The following LUZP2 variants were observed in gnomAD, a reference collection of about 807,000 sequenced individuals.
LUZP2 encodes the protein leucine zipper protein 2.
LUZP2 carries 52 observed loss-of-function variants against 51.6 expected under a neutral mutation model. The observed-to-expected ratio is 1.01, with a 90% CI of 0.81 to 1.27. LUZP2 has a LOEUF of 1.27. Ranked by LOEUF, LUZP2 falls within the 50% of genes most tolerant of loss-of-function variation. The pLI is 0.00. For missense variants in LUZP2, 436 were observed against 395.4 expected, an observed-to-expected ratio of 1.10 and a Z score of -0.87; for synonymous variants, 154 against 137.3, an observed-to-expected ratio of 1.12 and a Z score of -0.85.
chr11:25,032,688 G>T (rs10767302), intron 9 of LUZP2, among the ~76,000 whole-genome samples: 88,179 of 151,990 alleles, frequency 0.58, 26,703 homozygotes, highest in African/African-American at 0.76. Flanking sequence ...CATGATTATA[G>T]TCAGGAAAGA....
chr11:24,503,026 C>T (rs11027956), intron 1 of LUZP2, among the ~76,000 whole-genome samples: 43,398 of 151,934 alleles, frequency 0.29, 6,396 homozygotes, highest in East Asian at 0.46. Flanking sequence ...ATAGTATTGA[C>T]ATTTTTTTTT....
chr11:24,937,095 A>AGGGG (rs1468381243), intron 7 of LUZP2, among the ~76,000 whole-genome samples: 2 of 152,150 alleles, frequency 1.3e-5, no homozygotes, highest in Non-Finnish European at 2.9e-5. Flanking sequence ...AGAAGCACTT[A>AGGGG]TCTTGGGGTC....
intron 1 of LUZP2, among the ~76,000 whole-genome samples, chr11:24,581,051 C>T (rs1852834892): frequency 6.6e-6 from 1 of 152,034 alleles, no homozygotes; most frequent in Non-Finnish European, 1.5e-5. Context: ...AGCTCTGAGG[C>T]AGTTTTAGTC....
In LUZP2 at chr11:24,712,782, G is replaced by A. The variant is rs112300369; in HGVS notation, c.63-16387G>A. Among the ~76,000 whole-genome samples the A allele has an allele frequency of 4.5e-3, 684 of 152,258 alleles. 5 individuals are homozygous for A. The highest frequency in any genetic ancestry group is 0.016 in the African/African-American group (656 of 41,550). On this transcript the variant is annotated intron_variant, in intron 1 of 11. Transcript: ENST00000336930. The stretch of plus-strand genomic sequence containing the variant: ...AAGACAGTCTTTGTCAATGTATTCA[G>A]CATAATTTATTCAGACCTCTTATTT...
chr11:24,950,015 T>C (rs2133862017), intron 7 of LUZP2, among the ~76,000 whole-genome samples: 1 of 150,190 alleles, frequency 6.7e-6, no homozygotes, highest in Admixed American at 6.7e-5. Context: ...TTTGGCTAAA[T>C]TACTAGGAGG....
chr11:24,795,546 A>G (rs1849522975), intron 5 of LUZP2, among the ~76,000 whole-genome samples: 2 of 152,148 alleles, frequency 1.3e-5, no homozygotes, highest in African/African-American at 4.8e-5. Context: ...GGCTCATTTC[A>G]TGATTAAGAA....
chr11:24,892,332 G>T, intron 5 of LUZP2: 1 of 985,392 alleles, frequency 1.0e-6, no homozygotes, highest in Non-Finnish European at 1.2e-6. Flanking sequence ...GGCCTCGAAA[G>T]ACATTCAAAT....
intron 5 of LUZP2, among the ~76,000 whole-genome samples, chr11:24,821,897 G>C (rs1316953465): frequency 1.3e-5 from 2 of 149,618 alleles, no homozygotes; most frequent in African/African-American, 2.4e-5. Flanking sequence ...ATATTTAAAA[G>C]CTTCTGATTT....
At chr11:24,752,302 T>G (rs1859621850) in intron 4 of LUZP2, among the ~76,000 whole-genome samples, 1 of 152,310 alleles carries the variant, frequency 6.6e-6, no homozygotes, top group Admixed American at 6.5e-5. Flanking sequence ...AGATTGTTAA[T>G]GAATTTAAGA....
rs770694512 is a variant in LUZP2, at chr11:25,077,326, T to C, written c.859-3T>C. The C allele has an allele frequency of 5.0e-6, 8 of 1,609,802 alleles. No homozygotes were observed. The highest frequency in any genetic ancestry group is 6.8e-6 in the Non-Finnish European group (8 of 1,176,678). ...GATGTATTTTTAATTGCTACTTTTG[T>C]AGGAGGGCAGACCGTGTTCCATGAA... On this transcript the variant is annotated splice_region_variant and splice_polypyrimidine_tract_variant and intron_variant, in intron 10 of 11. Coordinates refer to ENST00000336930, the MANE Select transcript of LUZP2 (RefSeq NM_001009909.4).
intron 10 of LUZP2, among the ~76,000 whole-genome samples, chr11:25,063,566 C>A (rs1196561110): frequency 6.6e-6 from 1 of 151,760 alleles, no homozygotes; most frequent in African/African-American, 2.4e-5. Context: ...AATAGTTTAT[C>A]ATTTTAATTC....
At chr11:24,997,719 C>A (rs1318420993) in intron 9 of LUZP2, among the ~76,000 whole-genome samples, 4 of 152,086 alleles carry the variant, frequency 2.6e-5, no homozygotes, top group East Asian at 3.9e-4. Flanking sequence ...AATGGTAATG[C>A]CTAGGTTTTC....
intron 5 of LUZP2, among the ~76,000 whole-genome samples, chr11:24,841,561 C>T (rs1851034538): frequency 6.6e-6 from 1 of 152,052 alleles, no homozygotes. Context: ...TAAAATTTTT[C>T]TGTCTCAATA....
At chr11:25,014,282 G>GA in intron 9 of LUZP2, among the ~76,000 whole-genome samples, 1 of 152,202 alleles carries the variant, frequency 6.6e-6, no homozygotes, top group Non-Finnish European at 1.5e-5. Flanking sequence ...GGATGGCTGA[G>GA]TCAAATGCTA....
chr11:25,029,888 T>C (rs1857596852), intron 9 of LUZP2, among the ~76,000 whole-genome samples: 1 of 151,982 alleles, frequency 6.6e-6, no homozygotes, highest in Non-Finnish European at 1.5e-5. Context: ...TATAGAAGTA[T>C]AAACAATTGC....
intron 1 of LUZP2, among the ~76,000 whole-genome samples, chr11:24,617,110 T>C (rs1360963065): frequency 2.0e-5 from 3 of 152,236 alleles, no homozygotes; most frequent in East Asian, 3.9e-4. Context: ...TTTCATCATA[T>C]GCTCAGGTGT....
chr11:24,681,643 A>C (rs2133870110), intron 1 of LUZP2, among the ~76,000 whole-genome samples: 1 of 152,330 alleles, frequency 6.6e-6, no homozygotes, highest in Non-Finnish European at 1.5e-5. Context: ...CTTCATCATA[A>C]AGAAATGAGC....
chr11:24,811,292 T>A (rs915960885), intron 5 of LUZP2, among the ~76,000 whole-genome samples: 1 of 152,102 alleles, frequency 6.6e-6, no homozygotes, highest in Non-Finnish European at 1.5e-5. Context: ...CATTCCATAT[T>A]CCATATCACT....
chr11:24,500,328 A>T (rs1220542505), intron 1 of LUZP2, among the ~76,000 whole-genome samples: 1 of 152,172 alleles, frequency 6.6e-6, no homozygotes, highest in Non-Finnish European at 1.5e-5. Flanking sequence ...AAAAAAAATC[A>T]AGTTAATGAT....
Sources: gnomAD v4.1 joint callset for allele counts (sites outside exome capture counted in the v4.1 genomes callset) on GRCh38, gnomAD v4.1.1 for gene constraint, MANE v1.5 for transcripts, NCBI Gene and HGNC (gene_info 2026-07-23, HGNC 2026-07-21) for gene names.